DENND3: variants seen among roughly 807,000 people sequenced by gnomAD.
DENND3 encodes the protein DENN domain-containing protein 3.
A neutral mutation model predicts 135.1 loss-of-function variants in DENND3; 88 were observed. That is an observed-to-expected ratio of 0.65 (90% CI 0.55 to 0.78). The LOEUF (loss-of-function observed/expected upper bound fraction) is 0.78. Among genes scored for constraint, DENND3 ranks in the 30% least tolerant of loss-of-function variants. The pLI is 0.00. For missense variants in DENND3, 1,392 were observed against 1,688.4 expected (o/e 0.82, Z 3.08); for synonymous variants, 693 against 712.3 (o/e 0.97, Z 0.43).
rs1817147880 is a variant in DENND3 at position 141,139,122 on chromosome 8, C to G, written c.501+985C>G. Among the ~76,000 whole-genome samples, 1 of 152,126 alleles carries G rather than the reference C, an allele frequency of 6.6e-6. No homozygotes were observed. Among genetic ancestry groups the G allele is most frequent in the East Asian group, 1.9e-4 (1 of 5,194 alleles). ...AGGGTTTCCCGAAGCAAAAAGCGAGCCGGAGCCTTAATTTAGGTGCCCTGG... is the reference window on the plus strand; with the variant it reads ...AGGGTTTCCCGAAGCAAAAAGCGAGGCGGAGCCTTAATTTAGGTGCCCTGG... On this transcript the variant is annotated intron_variant, in intron 3 of 22. Coordinates refer to ENST00000519811, the MANE Select transcript of DENND3 (RefSeq NM_001352890.3). This position sits in a 1 kb window ranked among gnomAD's most constrained non-coding sequence, Gnocchi z 4.2.
rs112825453 is a variant in DENND3 at position 141,137,953 on chromosome 8, A to G, written c.386-69A>G. On this transcript the variant is annotated intron_variant, in intron 2 of 22. Transcript: ENST00000519811. The surrounding 1 kb of genome is among the most constrained non-coding windows in gnomAD (Gnocchi z 4.1). Reference sequence around the variant, plus strand: ...AGGTGTGTCCTAAACACTGTGAAGAAATCAGCTCGTGGGTAACCCAGGCCA... The same window carrying G: ...AGGTGTGTCCTAAACACTGTGAAGAGATCAGCTCGTGGGTAACCCAGGCCA... 4.7e-6 allele frequency: 7 copies of G among 1,500,858 alleles called. No individual in the cohort carries two copies. In the South Asian group the frequency reaches 8.6e-5, roughly 18 times the overall value. 93.0% of individuals were successfully genotyped at this position (1,500,858 alleles called of 1,614,324 possible).
At chr8:141,133,680 G>T (rs1274049100) in intron 1 of DENND3, among the ~76,000 whole-genome samples, 1 of 152,174 alleles carries the variant, frequency 6.6e-6, no homozygotes, top group Non-Finnish European at 1.5e-5. Context: ...TCCAGGACCA[G>T]TGGCTGAGGT....
intron 8 of DENND3, chr8:141,158,351 G>A: frequency 8.3e-7 from 1 of 1,210,460 alleles, no homozygotes; most frequent in Non-Finnish European, 1.1e-6. Flanking sequence ...TGAGCTTTGT[G>A]AGACTGTGTT....
At chr8:141,145,832 TATATATATA>T (rs1818010168) in intron 5 of DENND3, among the ~76,000 whole-genome samples, 10 of 82,794 alleles carry the variant, frequency 1.2e-4, no homozygotes, top group African/African-American at 6.9e-4. Flanking sequence ...TATATATATA[TATATATATA>T]TATATATATG....
chr8:141,142,396 T>TG, intron 4 of DENND3: 3 of 457,114 alleles, frequency 6.6e-6, no homozygotes, highest in South Asian at 4.6e-5. Context: ...TCTTGCTTCT[T>TG]GCAAAGCACA....
intron 16 of DENND3, 34 bp from the exon 17 acceptor site, chr8:141,180,713 G>T: frequency 6.3e-7 from 1 of 1,590,470 alleles, no homozygotes; most frequent in Non-Finnish European, 8.6e-7. Context: ...CCTTGAGGCT[G>T]CAACAGTAAC....
chr8:141,189,106 G>C lies in DENND3; in HGVS notation c.3205G>C (p.Val1069Leu). The stretch of plus-strand genomic sequence containing the variant: ...GCAGCTCACAGCCCACTGCTCCAGT[G>C]TCACGGATTTGATTGTGCAGGACGG... The part of the protein sequence containing the change: ...NKQLTAHCSS[V>L]TDLIVQDGQE... Residue 1069 changes from valine (V) to leucine (L), a missense_variant, in exon 19 of 23, where the codon GTC (valine) becomes CTC (leucine). Val to Leu is a conservative substitution (Grantham distance 32). Transcript: ENST00000519811. 1.2e-6 allele frequency: 2 copies of C among 1,614,222 alleles called. No homozygotes were observed. Among genetic ancestry groups the C allele is most frequent in the Non-Finnish European group, 1.7e-6 (2 of 1,180,036 alleles).
intron 14 of DENND3, 33 bp from the exon 15 acceptor site, chr8:141,176,558 G>T: frequency 6.2e-7 from 1 of 1,613,780 alleles, no homozygotes; most frequent in Non-Finnish European, 8.5e-7. Flanking sequence ...CTCTGAGTGT[G>T]ACATTCCTAA....
rs200888529 is a variant in DENND3, at chr8:141,165,154, A to G, written c.1450-32A>G. 1.0e-4 allele frequency: 160 copies of G among 1,582,036 alleles called. 2 individuals carry two copies. The Admixed American group carries it at 1.5e-3, about 15-fold the overall frequency. ...GAGCAGGGACCTGGGGAGTCGGCAC[A>G]GCCCAGTGACCAGCCCCTCTCTCTT... is the stretch of plus-strand genomic sequence containing the variant. On this transcript the variant is annotated intron_variant, in intron 10 of 22. Transcript: ENST00000519811.
chr8:141,134,987 C>T (rs772045450), intron 1 of DENND3, among the ~76,000 whole-genome samples: 5 of 151,938 alleles, frequency 3.3e-5, no homozygotes, highest in Non-Finnish European at 5.9e-5. Flanking sequence ...TGCAGGCATG[C>T]GCCACCAAGC....
At chr8:141,176,820 C>T (rs989395730) in intron 15 of DENND3, 59 bp downstream of exon 15, 12 of 1,576,676 alleles carry the variant, frequency 7.6e-6, no homozygotes, top group African/African-American at 6.8e-5. Context: ...CCTCTCGCCA[C>T]CTGTGGGTCC....
rs267601800 is a variant in DENND3 at position 141,155,893 on chromosome 8, C to T, written c.1119C>T (p.Ile373=). ...TGATAAATATTGATCATGGGAGCATCACCTACTCCAAGTCCACGGACGATA... is the reference window on the plus strand; with the variant it reads ...TGATAAATATTGATCATGGGAGCATTACCTACTCCAAGTCCACGGACGATA... ...LVLINIDHGS[I]TYSKSTDDNV... Residue 373 remains isoleucine, a synonymous_variant, in exon 8 of 23, where the codon ATC becomes ATT. Transcript: ENST00000519811. 1 of 1,612,888 alleles carries T rather than the reference C, an allele frequency of 6.2e-7. No homozygotes were observed. The highest frequency in any genetic ancestry group is 8.5e-7 in the Non-Finnish European group (1 of 1,179,334).
At position 141,174,160 on chromosome 8, in the gene DENND3, G is replaced by A. The variant is rs978668058; in HGVS notation, c.2276-1040G>A. Reference sequence around the variant, plus strand: ...ACCTGTTTGGGAGCATGCTTGGTACGGCTGGGCTGTGGGGTGGGTAGGTGG... The same window carrying A: ...ACCTGTTTGGGAGCATGCTTGGTACAGCTGGGCTGTGGGGTGGGTAGGTGG... On this transcript the variant is annotated intron_variant, in intron 13 of 22. Coordinates refer to ENST00000519811, the MANE Select transcript of DENND3 (RefSeq NM_001352890.3). This position sits in a 1 kb window ranked among gnomAD's most constrained non-coding sequence, Gnocchi z 4.6. Among the ~76,000 whole-genome samples the A allele has an allele frequency of 3.3e-5, 5 of 152,178 alleles. No individual in the cohort carries two copies. The highest frequency in any genetic ancestry group is 1.2e-4 in the African/African-American group (5 of 41,442).
chr8:141,176,322 A>G (rs917777976), intron 14 of DENND3: 1 of 409,550 alleles, frequency 2.4e-6, no homozygotes. Flanking sequence ...AGAGAGAAGT[A>G]TTTAAGGATG....
chr8:141,172,187 C>T (rs403455), intron 13 of DENND3, among the ~76,000 whole-genome samples: 26 of 138,896 alleles, frequency 1.9e-4, no homozygotes, highest in African/African-American at 6.0e-4. Context: ...TGGGTGTACA[C>T]TGTGGTAGGT....
At position 141,163,320 on chromosome 8, in the gene DENND3, T is replaced by C. The variant is rs768996682; in HGVS notation, c.1353-13T>C. The C allele has an allele frequency of 3.3e-6, 5 of 1,530,260 alleles. No homozygotes were observed. The East Asian group carries it at 9.0e-5, about 28-fold the overall frequency. 94.8% of individuals were successfully genotyped at this position (1,530,260 alleles called of 1,614,324 possible). On this transcript the variant is annotated splice_polypyrimidine_tract_variant and intron_variant, in intron 9 of 22. Coordinates refer to ENST00000519811, the MANE Select transcript of DENND3 (RefSeq NM_001352890.3). Reference sequence around the variant, plus strand: ...GAAAGTTTTAGCACTCAGACTCTCTTTCTCTTTGTTAGGGATGTAAAGAAT... The same window carrying C: ...GAAAGTTTTAGCACTCAGACTCTCTCTCTCTTTGTTAGGGATGTAAAGAAT...
At chr8:141,145,841 A>ATTTTTTTTTTTTTT (rs1569555482) in intron 5 of DENND3, among the ~76,000 whole-genome samples, 1 of 31,388 alleles carries the variant, frequency 3.2e-5, no homozygotes, top group African/African-American at 2.6e-4. Context: ...ATATATATAT[A>ATTTTTTTTTTTTTT]TATATATATG....
chr8:141,189,581 C>T (rs1202253785), intron 19 of DENND3, among the ~76,000 whole-genome samples: 13 of 152,118 alleles, frequency 8.5e-5, no homozygotes, highest in African/African-American at 2.2e-4. Flanking sequence ...TCCAGGGAGA[C>T]GGGAGGAGGA....
intron 7 of DENND3, among the ~76,000 whole-genome samples, chr8:141,152,085 C>G (rs1287576958): frequency 6.6e-6 from 1 of 152,130 alleles, no homozygotes; most frequent in Non-Finnish European, 1.5e-5. Flanking sequence ...CGGTGAGGGC[C>G]GAGTGAGGCA....
Sources: allele counts gnomAD v4.1 joint callset (sites outside exome capture counted in the v4.1 genomes callset), GRCh38; gene constraint gnomAD v4.1.1; non-coding constraint Gnocchi (gnomAD v3.1); transcripts MANE v1.5; gene names NCBI Gene and HGNC (gene_info 2026-07-23, HGNC 2026-07-21).